Variants in TRAK1 observed in about 807,000 individuals in gnomAD.
TRAK1 encodes the protein trafficking kinesin-binding protein 1.
A neutral mutation model predicts 92.1 loss-of-function variants in TRAK1; 33 were observed. The observed-to-expected ratio is 0.36, with a 90% CI of 0.27 to 0.48. The LOEUF (loss-of-function observed/expected upper bound fraction) is 0.48. Ranked by LOEUF, TRAK1 falls within the 20% of genes least tolerant of loss-of-function variation. The pLI, the probability that TRAK1 is intolerant of heterozygous loss-of-function variation, is 0.99. For missense variants in TRAK1, 1,123 were observed against 1,257.9 expected, an observed-to-expected ratio of 0.89 and a Z score of 1.62; for synonymous variants, 521 against 517.3, an observed-to-expected ratio of 1.01 and a Z score of -0.10.
intron 1 of TRAK1, among the ~76,000 whole-genome samples, chr3:42,076,447 A>G (rs1360213557): frequency 6.6e-6 from 1 of 151,724 alleles, no homozygotes; most frequent in Non-Finnish European, 1.5e-5. Context: ...GCTGGTCTCG[A>G]ACTTCTGACC....
chr3:42,125,526 C>A lies in TRAK1; in HGVS notation c.198C>A (p.His66Gln). 1 of 1,614,226 alleles carries A rather than the reference C, an allele frequency of 6.2e-7. No individual in the cohort carries two copies. The highest frequency in any genetic ancestry group is 8.5e-7 in the Non-Finnish European group (1 of 1,180,028). The part of the protein sequence containing the change: ...LRADTIYGYD[H>Q]DDWLHTPLIS... ...CCGACACCATCTACGGTTATGACCA[C>A]GACGACTGGCTCCATACACCTCTCA... Residue 66 changes from histidine to glutamine, a missense_variant, in exon 2 of 16, where the codon CAC (histidine) becomes CAA (glutamine). By Grantham distance (24) the His-to-Gln change is conservative (BLOSUM62 0). Transcript: ENST00000327628.
At chr3:42,034,913 A>G (rs1408424578) in intron 1 of TRAK1, among the ~76,000 whole-genome samples, 3 of 151,558 alleles carry the variant, frequency 2.0e-5, no homozygotes, top group African/African-American at 4.8e-5. Context: ...CTTCAGCCTC[A>G]TCTTGCCTGT....
chr3:42,181,831 C>T (rs554442669), intron 3 of TRAK1, among the ~76,000 whole-genome samples: 1 of 152,274 alleles, frequency 6.6e-6, no homozygotes, highest in Non-Finnish European at 1.5e-5. Flanking sequence ...AATTTTCAGT[C>T]AGCCTCTGGA....
chr3:42,199,034 C>T (rs920750771), intron 10 of TRAK1, 143 bp from the exon 11 acceptor site: 7 of 768,820 alleles, frequency 9.1e-6, no homozygotes, highest in Non-Finnish European at 1.3e-5. Context: ...ACAGAGAGTG[C>T]TGTTAAGTTT....
intron 1 of TRAK1, among the ~76,000 whole-genome samples, chr3:42,113,998 C>T (rs1212472703): frequency 1.3e-5 from 2 of 152,200 alleles, no homozygotes; most frequent in Non-Finnish European, 2.9e-5. Context: ...GTCCCTTTCC[C>T]TTAGCCTCTG....
chr3:42,108,006 CA>C (rs1707829538), intron 1 of TRAK1, among the ~76,000 whole-genome samples: 1 of 151,820 alleles, frequency 6.6e-6, no homozygotes, highest in East Asian at 1.9e-4. Flanking sequence ...GTAGGGAAGG[CA>C]GCCTTTGAGA....
intron 15 of TRAK1, chr3:42,220,495 G>T (rs1435107115): frequency 1.0e-6 from 1 of 985,396 alleles, no homozygotes; most frequent in Non-Finnish European, 1.2e-6. Context: ...ATAATTCTCC[G>T]CAGGTCATGT....
At chr3:42,082,964 C>T (rs964968518), upstream of TRAK1, among the ~76,000 whole-genome samples, 7 of 152,180 alleles carry the variant, frequency 4.6e-5, no homozygotes, top group South Asian at 2.1e-4. Flanking sequence ...TGATAGCTGT[C>T]GCATAATTAA....
chr3:42,160,158 G>T, intron 2 of TRAK1: 1 of 1,062,924 alleles, frequency 9.4e-7, no homozygotes, highest in Non-Finnish European at 1.1e-6. Flanking sequence ...ACCCCCTTCC[G>T]GGTCCTGCCC....
At chr3:42,078,914 A>T (rs1198253123) in intron 1 of TRAK1, among the ~76,000 whole-genome samples, 1 of 152,216 alleles carries the variant, frequency 6.6e-6, no homozygotes, top group East Asian at 1.9e-4. Flanking sequence ...CCAGGAGCTC[A>T]TGGAAAGCAT....
chr3:42,149,281 G>A (rs1262442245), intron 2 of TRAK1: 1 of 1,372,072 alleles, frequency 7.3e-7, no homozygotes, highest in East Asian at 2.8e-5. Context: ...TGCTGCCAGG[G>A]TCTCCGTTAG....
intron 1 of TRAK1, among the ~76,000 whole-genome samples, chr3:42,118,774 G>T (rs1201855091): frequency 6.6e-6 from 1 of 152,212 alleles, no homozygotes; most frequent in Non-Finnish European, 1.5e-5. Flanking sequence ...CCTCTGAAGA[G>T]GTAAAGAGTC....
chr3:42,207,504 A>G (rs949152465), intron 13 of TRAK1, among the ~76,000 whole-genome samples: 1 of 152,178 alleles, frequency 6.6e-6, no homozygotes, highest in African/African-American at 2.4e-5. Context: ...ACCACTAATT[A>G]AGTGGCTTTG....
Position 42,152,653 on chromosome 3 carries a change from T to A in TRAK1, c.287-24161T>A, listed in dbSNP as rs916529596. Among the ~76,000 whole-genome samples the A allele has an allele frequency of 3.9e-5, 6 of 152,334 alleles. No homozygotes were observed. The South Asian group carries it at 1.2e-3, about 32-fold the overall frequency. On this transcript the variant is annotated intron_variant, in intron 2 of 15. Transcript: ENST00000327628. ...AGCAGCCTCAGGCATGGGGAGGGGC[T>A]GGAAAAGAATTATTTAGGTCAGTTT...
At chr3:42,222,832 C>T (rs969923108) in intron 15 of TRAK1, 110 bp from the exon 16 acceptor site, 1 of 1,163,996 alleles carries the variant, frequency 8.6e-7, no homozygotes, top group Non-Finnish European at 1.2e-6. Flanking sequence ...GTGGAACCCT[C>T]TCATCGTGTC....
At position 42,027,325 on chromosome 3, in the gene TRAK1, C is replaced by T. The variant is rs150975898; in HGVS notation, c.-519+13208C>T. 9.2e-3 allele frequency among the ~76,000 whole-genome samples: 1,403 copies of T among 152,170 alleles called. 14 individuals carry two copies. The highest frequency in any genetic ancestry group is 0.031 in the African/African-American group (1,307 of 41,508). ...GATCACGAGGTCAGGAGATCGAGAC[C>T]ATCTTGGCTAACATAGTGAAACCCC... is the stretch of plus-strand genomic sequence containing the variant. On this transcript the variant is annotated intron_variant, in intron 1 of 16. Transcript: ENST00000487159.
At chr3:42,072,752 T>C (rs868194778) in intron 1 of TRAK1, among the ~76,000 whole-genome samples, 1 of 152,158 alleles carries the variant, frequency 6.6e-6, no homozygotes, top group Non-Finnish European at 1.5e-5. Flanking sequence ...TCATAGGTGT[T>C]TACTGAGGGC....
In TRAK1 at chr3:42,202,926, G is replaced by A. The variant is rs1296802976; in HGVS notation, c.1744+174G>A. 1.1e-5 allele frequency: 15 copies of A among 1,407,288 alleles called. No homozygotes were observed. The highest frequency in any genetic ancestry group is 2.9e-5 in the Admixed American group (1 of 34,344). 87.2% of individuals were successfully genotyped at this position (1,407,288 alleles called of 1,614,324 possible). On this transcript the variant is annotated intron_variant, in intron 13 of 15. Transcript: ENST00000327628. The surrounding 1 kb of genome is among the most constrained non-coding windows in gnomAD (Gnocchi z 6.1). The stretch of plus-strand genomic sequence containing the variant: ...AGGGTGGTGCTCAGCCTAGGCCTCC[G>A]TCCCTCCCCTCTGGCTGGCAGGTGT...
At chr3:42,109,976 G>A (rs9867570) in intron 1 of TRAK1, among the ~76,000 whole-genome samples, 100,645 of 149,748 alleles carry the variant, frequency 0.67, 34,094 homozygotes, top group South Asian at 0.8. Context: ...CGGGGGGGAT[G>A]GCATTAGGAG....
Sources: allele counts gnomAD v4.1 joint callset (sites outside exome capture counted in the v4.1 genomes callset), GRCh38; gene constraint gnomAD v4.1.1; non-coding constraint Gnocchi (gnomAD v3.1); transcripts MANE v1.5; gene names NCBI Gene and HGNC (gene_info 2026-07-23, HGNC 2026-07-21).